Variants in TNR observed in about 807,000 individuals in gnomAD.
TNR encodes the protein tenascin R.
TNR carries 45 observed loss-of-function variants against 150.4 expected under a neutral mutation model. That is an observed-to-expected ratio of 0.30 (90% CI 0.24 to 0.38). The LOEUF (loss-of-function observed/expected upper bound fraction) is 0.38. Among genes scored for constraint, TNR ranks in the 10% least tolerant of loss-of-function variants. TNR has a pLI of 1.00. For synonymous variants in TNR, 687 were observed against 678.4 expected (o/e 1.01, Z -0.20); for missense variants, 1,544 against 1,759.1 (o/e 0.88, Z 2.19).
At chr1:175,464,633 G>GT (rs1656953860) in intron 2 of TNR, among the ~76,000 whole-genome samples, 1 of 152,176 alleles carries the variant, frequency 6.6e-6, no homozygotes, top group Non-Finnish European at 1.5e-5. Flanking sequence ...CAGAAAGGTT[G>GT]TAAGTATAAG....
At chr1:175,365,765 C>CT in intron 11 of TNR, 110 bp downstream of exon 11, 1 of 1,479,714 alleles carries the variant, frequency 6.8e-7, no homozygotes, top group Non-Finnish European at 9.1e-7. Context: ...ACCCACCTCT[C>CT]TTTTCTCCAA....
chr1:175,385,612 AATT>A (rs1652878932), intron 8 of TNR, among the ~76,000 whole-genome samples: 1 of 152,168 alleles, frequency 6.6e-6, no homozygotes, highest in Non-Finnish European at 1.5e-5. Context: ...AGGTTTATAG[AATT>A]ATTATGATAA....
intron 5 of TNR, 70 bp downstream of exon 5, chr1:175,396,474 C>T (rs1239742319): frequency 9.1e-6 from 14 of 1,539,460 alleles, no homozygotes; most frequent in African/African-American, 1.4e-5. Context: ...AAAGACGCTA[C>T]TATCATGAAT....
intron 1 of TNR, among the ~76,000 whole-genome samples, chr1:175,709,720 A>G (rs1666947374): frequency 6.6e-6 from 1 of 152,114 alleles, no homozygotes; most frequent in Non-Finnish European, 1.5e-5. Flanking sequence ...TTCTGTTCCC[A>G]TGCCAACTCC....
At chr1:175,696,103 C>T (rs1666507974) in intron 1 of TNR, among the ~76,000 whole-genome samples, 1 of 151,968 alleles carries the variant, frequency 6.6e-6, no homozygotes, top group South Asian at 2.1e-4. Flanking sequence ...GCTGCAGGAT[C>T]CTCTGTGAAT....
intron 1 of TNR, among the ~76,000 whole-genome samples, chr1:175,660,895 G>A (rs1053137786): frequency 2.0e-5 from 3 of 152,192 alleles, no homozygotes; most frequent in African/African-American, 7.2e-5. Context: ...AGAGATAGGA[G>A]AGGAGGCTCC....
chr1:175,351,226 A>G (rs1651037061), intron 18 of TNR, among the ~76,000 whole-genome samples: 1 of 152,090 alleles, frequency 6.6e-6, no homozygotes, highest in African/African-American at 2.4e-5. Context: ...ATCCCACCTC[A>G]CCAAGTTTGT....
chr1:175,584,881 T>G (rs1662506182), intron 1 of TNR, among the ~76,000 whole-genome samples: 1 of 152,212 alleles, frequency 6.6e-6, no homozygotes, highest in Non-Finnish European at 1.5e-5. Flanking sequence ...TAAATGAACT[T>G]TTCTACATCT....
At chr1:175,673,573 G>A (rs556599114) in intron 1 of TNR, among the ~76,000 whole-genome samples, 1 of 152,336 alleles carries the variant, frequency 6.6e-6, no homozygotes, top group South Asian at 2.1e-4. Context: ...TTCAACAAAG[G>A]CTTCTAAGTG....
rs144138774 is a variant in TNR, at chr1:175,601,267, A to C, written c.-164-72898T>G. On this transcript the variant is annotated intron_variant, in intron 1 of 22. Transcript: ENST00000367674. ...GGGTAAGGTCACTTGGCCAGTTCTT[A>C]CTCAGAGATGCGGCCCTGAGGCGCT... Among the ~76,000 whole-genome samples, 412 of 152,290 alleles carry C rather than the reference A, an allele frequency of 2.7e-3. 1 individual carries two copies. The highest frequency in any genetic ancestry group is 9.5e-3 in the African/African-American group (396 of 41,570).
At chr1:175,417,788 T>G (rs1041530286) in intron 2 of TNR, among the ~76,000 whole-genome samples, 4 of 152,226 alleles carry the variant, frequency 2.6e-5, no homozygotes, top group Admixed American at 6.5e-5. Flanking sequence ...AAATATCAAA[T>G]TCATGCTGTT....
At chr1:175,632,566 T>C (rs1037479021) in intron 1 of TNR, among the ~76,000 whole-genome samples, 1 of 152,268 alleles carries the variant, frequency 6.6e-6, no homozygotes, top group African/African-American at 2.4e-5. Flanking sequence ...GGTTAGATCC[T>C]GCAGAGACCA....
At chr1:175,568,896 A>T (rs189355851) in intron 1 of TNR, among the ~76,000 whole-genome samples, 23 of 152,266 alleles carry the variant, frequency 1.5e-4, no homozygotes, top group Admixed American at 6.5e-4. Context: ...CTTCATTTTG[A>T]TGCCAAGACT....
intron 1 of TNR, among the ~76,000 whole-genome samples, chr1:175,683,343 G>A (rs897672956): frequency 1.3e-5 from 2 of 152,142 alleles, no homozygotes; most frequent in Non-Finnish European, 1.5e-5. Context: ...GGCAGCAGGT[G>A]GTAACATGTT....
chr1:175,685,641 G>A (rs1323464558), intron 1 of TNR, among the ~76,000 whole-genome samples: 1 of 152,104 alleles, frequency 6.6e-6, no homozygotes, highest in Admixed American at 6.6e-5. Context: ...GAAAAAAATA[G>A]TCAAAGTCTA....
chr1:175,393,315 G>A lies in TNR; in HGVS notation c.1356+465C>T, dbSNP rs190773850. On this transcript the variant is annotated intron_variant, in intron 6 of 22. Transcript: ENST00000367674. ...AGCCAAGGTGTTTTGTTTTATGTCTGTAACCTTTAGGGATTGATGCCATGC... is the reference window on the plus strand; with the variant it reads ...AGCCAAGGTGTTTTGTTTTATGTCTATAACCTTTAGGGATTGATGCCATGC... Among the ~76,000 whole-genome samples the A allele has an allele frequency of 8.5e-5, 13 of 152,326 alleles. No homozygotes were observed. In the East Asian group the frequency reaches 2.5e-3, roughly 29 times the overall value.
intron 1 of TNR, among the ~76,000 whole-genome samples, chr1:175,710,468 A>G (rs1666980378): frequency 6.6e-6 from 1 of 152,158 alleles, no homozygotes; most frequent in South Asian, 2.1e-4. Flanking sequence ...CTGGAGTGAC[A>G]TATTTGGGAG....
intron 18 of TNR, among the ~76,000 whole-genome samples, chr1:175,349,005 T>A (rs1221833283): frequency 1.3e-5 from 2 of 152,168 alleles, no homozygotes; most frequent in Non-Finnish European, 2.9e-5. Context: ...AAACTCAAAC[T>A]AATGATTAAA....
At chr1:175,663,307 G>A (rs972684188) in intron 1 of TNR, among the ~76,000 whole-genome samples, 1 of 152,168 alleles carries the variant, frequency 6.6e-6, no homozygotes, top group Non-Finnish European at 1.5e-5. Context: ...CACTGCAAGG[G>A]TTCATTCCCA....
Sources: gnomAD v4.1 joint callset for allele counts (sites outside exome capture counted in the v4.1 genomes callset) on GRCh38, gnomAD v4.1.1 for gene constraint, MANE v1.5 for transcripts, NCBI Gene and HGNC (gene_info 2026-07-23, HGNC 2026-07-21) for gene names.